Variants in EXOC6 observed in about 807,000 individuals in gnomAD.
EXOC6 encodes the protein SEC15-like 1.
Under a neutral mutation model 112.5 loss-of-function variants are expected in EXOC6, and 60 were observed. The observed-to-expected ratio is 0.53, with a 90% CI of 0.43 to 0.66. The LOEUF (loss-of-function observed/expected upper bound fraction) is 0.66. EXOC6 is among the 30% of genes least tolerant of loss of function. The pLI, the probability that EXOC6 is intolerant of heterozygous loss-of-function variation, is 0.00. For synonymous variants in EXOC6, 295 were observed against 308.0 expected (o/e 0.96, Z 0.44); for missense variants, 855 against 957.1 (o/e 0.89, Z 1.41).
intron 20 of EXOC6, among the ~76,000 whole-genome samples, chr10:93,049,577 TTTGTTTTGTG>T (rs1356220287): frequency 6.6e-6 from 1 of 152,138 alleles, no homozygotes; most frequent in African/African-American, 2.4e-5. Flanking sequence ...TTTTGTTTGT[TTTGTTTTGTG>T]TTGTTTTGTT....
At chr10:92,900,125 TA>T (rs1850076965) in intron 5 of EXOC6, 1 of 152,654 alleles carries the variant, frequency 6.6e-6, no homozygotes, top group Admixed American at 6.5e-5. Context: ...ATGTTTAAAA[TA>T]TTTTAAAGAC....
intron 1 of EXOC6, among the ~76,000 whole-genome samples, chr10:92,862,569 T>G (rs2133686706): frequency 6.6e-6 from 1 of 152,298 alleles, no homozygotes; most frequent in South Asian, 2.1e-4. Flanking sequence ...GCTGTGATCT[T>G]GACTTCCCAG....
chr10:92,926,486 T>C (rs12268331), intron 8 of EXOC6, among the ~76,000 whole-genome samples: 3,327 of 150,926 alleles, frequency 0.022, 125 homozygotes, highest in African/African-American at 0.078. Context: ...TTTTTAGATA[T>C]GGGGTTTCAT....
intron 17 of EXOC6, among the ~76,000 whole-genome samples, chr10:92,961,902 A>G (rs1017968202): frequency 2.0e-5 from 3 of 152,178 alleles, no homozygotes; most frequent in Non-Finnish European, 4.4e-5. Flanking sequence ...ACTAGTCATT[A>G]TTTGTGAACA....
intron 1 of EXOC6, among the ~76,000 whole-genome samples, chr10:92,870,844 G>A (rs1366922763): frequency 6.6e-6 from 1 of 151,906 alleles, no homozygotes; most frequent in Non-Finnish European, 1.5e-5. Flanking sequence ...TGAGTAGCTG[G>A]GATTACAGGC....
intron 1 of EXOC6, among the ~76,000 whole-genome samples, chr10:92,890,961 G>A (rs1042304317): frequency 7.9e-5 from 12 of 152,192 alleles, no homozygotes; most frequent in Non-Finnish European, 1.6e-4. Context: ...ATTGAGAACA[G>A]ACTGAAAGGG....
intron 15 of EXOC6, among the ~76,000 whole-genome samples, chr10:92,953,922 C>T (rs1199691837): frequency 1.3e-5 from 2 of 152,064 alleles, no homozygotes; most frequent in African/African-American, 4.8e-5. Flanking sequence ...AGAAAGAGCT[C>T]ATATCAGTTT....
intron 8 of EXOC6, among the ~76,000 whole-genome samples, chr10:92,927,914 T>G (rs553740210): frequency 1.2e-4 from 19 of 152,240 alleles, no homozygotes; most frequent in African/African-American, 4.6e-4. Context: ...TATATGGATA[T>G]ATTGAGAGTG....
chr10:92,892,102 G>A (rs973950124), intron 1 of EXOC6, among the ~76,000 whole-genome samples: 2 of 152,172 alleles, frequency 1.3e-5, no homozygotes, highest in Non-Finnish European at 2.9e-5. Context: ...CGGATGTGGG[G>A]TGAGGTTTGG....
At chr10:93,021,906 A>G (rs1844812197) in intron 20 of EXOC6, among the ~76,000 whole-genome samples, 1 of 152,300 alleles carries the variant, frequency 6.6e-6, no homozygotes, top group African/African-American at 2.4e-5. Context: ...TGTGATGTTA[A>G]CTAGTTTATA....
intron 20 of EXOC6, among the ~76,000 whole-genome samples, chr10:93,021,803 T>C (rs1403236883): frequency 6.6e-6 from 1 of 152,220 alleles, no homozygotes; most frequent in East Asian, 1.9e-4. Context: ...ATAATTCTCA[T>C]TGTATATGAA....
At chr10:92,865,786 C>T (rs1300743093) in intron 1 of EXOC6, among the ~76,000 whole-genome samples, 1 of 152,062 alleles carries the variant, frequency 6.6e-6, no homozygotes, top group Non-Finnish European at 1.5e-5. Flanking sequence ...GGAAGCCTTA[C>T]TGATAACCTA....
At chr10:92,838,435 G>A (rs913836714) in intron 1 of EXOC6, among the ~76,000 whole-genome samples, 3 of 152,140 alleles carry the variant, frequency 2.0e-5, no homozygotes, top group Non-Finnish European at 4.4e-5. Context: ...TGAAAGAGTG[G>A]ACAAGAATCA....
intron 1 of EXOC6, among the ~76,000 whole-genome samples, chr10:92,878,631 C>T (rs1848794488): frequency 6.6e-6 from 1 of 152,122 alleles, no homozygotes; most frequent in South Asian, 2.1e-4. Context: ...CAGGAAGTTG[C>T]TTCTTCCTGG....
chr10:92,949,995 C>G (rs530481590), intron 14 of EXOC6, among the ~76,000 whole-genome samples: 62 of 152,260 alleles, frequency 4.1e-4, no homozygotes, highest in African/African-American at 1.2e-3. Flanking sequence ...AATATCCCTT[C>G]CAATCATAAT....
intron 1 of EXOC6, among the ~76,000 whole-genome samples, chr10:92,849,894 T>G (rs766491024): frequency 6.6e-6 from 1 of 152,222 alleles, no homozygotes; most frequent in South Asian, 2.1e-4. Context: ...CTTGCCTATT[T>G]GTTCACTACT....
chr10:92,935,696 T>TA, intron 11 of EXOC6, 118 bp from the exon 12 acceptor site: 2 of 767,108 alleles, frequency 2.6e-6, no homozygotes, highest in Non-Finnish European at 4.3e-6. Context: ...TTTAAACTTA[T>TA]TATAAGTCTG....
intron 17 of EXOC6, among the ~76,000 whole-genome samples, chr10:92,957,524 A>G (rs1370212562): frequency 6.6e-6 from 1 of 152,176 alleles, no homozygotes. Flanking sequence ...CTATCATTGC[A>G]TACTCCTTGG....
rs539584898 is a variant in EXOC6, at chr10:92,956,002, T to C, written c.1773+288T>C. Among the ~76,000 whole-genome samples, 23 of 152,268 alleles carry C rather than the reference T, an allele frequency of 1.5e-4. No homozygotes were observed. In the East Asian group the frequency reaches 4.4e-3, roughly 29 times the overall value. On this transcript the variant is annotated intron_variant, in intron 17 of 21. Coordinates refer to ENST00000260762, the MANE Select transcript of EXOC6 (RefSeq NM_019053.6). ...GTCTAACTGAATTAATATTTCACAGTTTAAAAATTAATTCTATATGAGTGT... is the reference window on the plus strand; with the variant it reads ...GTCTAACTGAATTAATATTTCACAGCTTAAAAATTAATTCTATATGAGTGT...
Sources: allele counts gnomAD v4.1 joint callset (sites outside exome capture counted in the v4.1 genomes callset), GRCh38; gene constraint gnomAD v4.1.1; transcripts MANE v1.5; gene names NCBI Gene and HGNC (gene_info 2026-07-23, HGNC 2026-07-21).